Variants in SP4 observed in about 807,000 individuals in gnomAD.
SP4 encodes the protein transcription factor Sp4.
SP4 carries 19 observed loss-of-function variants against 72.8 expected under a neutral mutation model. The observed-to-expected ratio is 0.26, with a 90% CI of 0.18 to 0.38. SP4 has a LOEUF of 0.38. Among genes scored for constraint, SP4 ranks in the 10% least tolerant of loss-of-function variants. SP4 has a pLI of 1.00. For missense variants in SP4, 1,008 were observed against 926.3 expected (o/e 1.09, Z -1.14); for synonymous variants, 395 against 333.1 (o/e 1.19, Z -2.02).
chr7:21,512,153 A>G lies in SP4; in HGVS notation c.*884A>G, dbSNP rs1056092612. On this transcript the variant is annotated 3_prime_UTR_variant, in exon 6 of 6. Coordinates refer to ENST00000222584, the MANE Select transcript of SP4 (RefSeq NM_003112.5). ...TTTATATTTGGAAATATTTGCATAG[A>G]GTGTAAATTGTTCTGTAGTTTCATA... 2.0e-5 allele frequency: 3 copies of G among 152,640 alleles called. No individual in the cohort carries two copies. The highest frequency in any genetic ancestry group is 4.4e-5 in the Non-Finnish European group (3 of 68,024). 9.5% of individuals were successfully genotyped at this position (152,640 alleles called of 1,614,324 possible).
Position 21,428,766 on chromosome 7 carries a change from A to G in SP4, c.97A>G (p.Lys33Glu), listed in dbSNP as rs1330820767. 2 of 1,551,484 alleles carry G rather than the reference A, an allele frequency of 1.3e-6. No homozygotes were observed. Among genetic ancestry groups the G allele is most frequent in the Admixed American group, 3.9e-5 (2 of 50,752 alleles). ...AACCTCTGAGCCAGAGAATAACAAT[A>G]AAAAACCCAAAACCTCAGGCTCCCA... ...GKTSEPENNN[K>E]KPKTSGSQDS... is the part of the protein sequence containing the mutation. The change falls in exon 2 of 6, where the codon AAA becomes GAA. Residue 33 changes from lysine (K) to glutamate (E), a missense_variant. Coordinates refer to ENST00000222584, the MANE Select transcript of SP4 (RefSeq NM_003112.5).
intron 3 of SP4, among the ~76,000 whole-genome samples, chr7:21,432,217 C>G (rs1176284501): frequency 6.6e-6 from 1 of 152,094 alleles, no homozygotes; most frequent in East Asian, 1.9e-4. Flanking sequence ...GTTAGTGTTT[C>G]CATTGCGGTA....
chr7:21,473,081 A>G (rs1784398219), intron 3 of SP4, among the ~76,000 whole-genome samples: 1 of 152,236 alleles, frequency 6.6e-6, no homozygotes, highest in African/African-American at 2.4e-5. Flanking sequence ...TGATCAGAAC[A>G]CTACTTTTTT....
At chr7:21,503,657 G>T (rs942544132) in intron 5 of SP4, among the ~76,000 whole-genome samples, 1 of 152,158 alleles carries the variant, frequency 6.6e-6, no homozygotes, top group Admixed American at 6.5e-5. Flanking sequence ...TGTTGGAAGG[G>T]GAAAGGCTTC....
At chr7:21,508,807 CTTTTTTTTTT>C (rs11418275) in intron 5 of SP4, among the ~76,000 whole-genome samples, 2 of 111,534 alleles carry the variant, frequency 1.8e-5, no homozygotes, top group African/African-American at 7.0e-5. Flanking sequence ...TGTCTACACA[CTTTTTTTTTT>C]TTTTTTTTTT....
chr7:21,488,077 C>A (rs1178405999), intron 5 of SP4, among the ~76,000 whole-genome samples: 2 of 152,016 alleles, frequency 1.3e-5, no homozygotes, highest in African/African-American at 4.8e-5. Flanking sequence ...GTTGCCCAGG[C>A]TGGTGTTGAA....
chr7:21,446,868 T>C (rs1783442638), intron 3 of SP4, among the ~76,000 whole-genome samples: 1 of 152,170 alleles, frequency 6.6e-6, no homozygotes, highest in Admixed American at 6.5e-5. Context: ...AAAAATGTTT[T>C]GACAGATTCT....
At chr7:21,467,876 C>G (rs536541296) in intron 3 of SP4, among the ~76,000 whole-genome samples, 56 of 152,166 alleles carry the variant, frequency 3.7e-4, no homozygotes, top group Non-Finnish European at 4.1e-4. Flanking sequence ...ACCTTGTTCC[C>G]TAGGTTATAT....
chr7:21,509,951 C>G (rs1038031919), intron 5 of SP4, among the ~76,000 whole-genome samples: 16 of 152,066 alleles, frequency 1.1e-4, no homozygotes, highest in African/African-American at 3.4e-4. Flanking sequence ...CAAAGAGGAG[C>G]AAATCACATC....
intron 3 of SP4, among the ~76,000 whole-genome samples, chr7:21,443,719 A>G (rs541809739): frequency 3.3e-5 from 5 of 152,268 alleles, no homozygotes; most frequent in African/African-American, 1.2e-4. Context: ...AGTTGGGGAT[A>G]TCTATGCCAG....
chr7:21,459,467 G>C (rs1419297828), intron 3 of SP4, among the ~76,000 whole-genome samples: 1 of 152,098 alleles, frequency 6.6e-6, no homozygotes, highest in African/African-American at 2.4e-5. Context: ...TGGTATATCA[G>C]ATTTCATTAA....
intron 3 of SP4, among the ~76,000 whole-genome samples, chr7:21,472,751 A>G (rs1234793868): frequency 6.6e-6 from 1 of 151,926 alleles, no homozygotes; most frequent in African/African-American, 2.4e-5. Context: ...TGGTCTGAAC[A>G]GCAGAGTGAG....
intron 3 of SP4, among the ~76,000 whole-genome samples, chr7:21,439,692 C>G (rs537648286): frequency 6.6e-6 from 1 of 152,156 alleles, no homozygotes; most frequent in African/African-American, 2.4e-5. Flanking sequence ...GAGCTTGAGA[C>G]CAGCCTGGGC....
intron 3 of SP4, among the ~76,000 whole-genome samples, chr7:21,451,445 C>G (rs2128398733): frequency 6.6e-6 from 1 of 152,256 alleles, no homozygotes; most frequent in East Asian, 1.9e-4. Context: ...AACATTTCCT[C>G]CCTTAAGAGT....
intron 5 of SP4, among the ~76,000 whole-genome samples, chr7:21,492,607 A>G (rs1785008944): frequency 1.3e-5 from 2 of 152,256 alleles, no homozygotes; most frequent in African/African-American, 2.4e-5. Flanking sequence ...AAAAGGGAAA[A>G]TAGAAGCATG....
At chr7:21,486,036 A>T (rs372008331) in intron 5 of SP4, among the ~76,000 whole-genome samples, 5 of 152,020 alleles carry the variant, frequency 3.3e-5, no homozygotes, top group African/African-American at 1.2e-4. Flanking sequence ...TGTCTAAAGG[A>T]TTCTTTATTT....
At chr7:21,453,127 A>G (rs1048467330) in intron 3 of SP4, among the ~76,000 whole-genome samples, 1 of 152,216 alleles carries the variant, frequency 6.6e-6, no homozygotes, top group Non-Finnish European at 1.5e-5. Context: ...CTTGGCGTTG[A>G]AAAACAAAGA....
At chr7:21,471,645 G>A (rs1278514261) in intron 3 of SP4, among the ~76,000 whole-genome samples, 1 of 152,078 alleles carries the variant, frequency 6.6e-6, no homozygotes, top group Admixed American at 6.5e-5. Context: ...TGTAGCGTGG[G>A]CAACATAGTG....
At chr7:21,500,169 A>G (rs11984085) in intron 5 of SP4, among the ~76,000 whole-genome samples, 4,174 of 152,272 alleles carry the variant, frequency 0.027, 177 homozygotes, top group African/African-American at 0.091. Context: ...CAGTTTATTA[A>G]AAATTTCTTG....
Sources: allele counts gnomAD v4.1 joint callset (sites outside exome capture counted in the v4.1 genomes callset), GRCh38; gene constraint gnomAD v4.1.1; transcripts MANE v1.5; gene names NCBI Gene and HGNC (gene_info 2026-07-23, HGNC 2026-07-21).